The following VANGL1 variants were observed in gnomAD, a reference collection of about 807,000 sequenced individuals.
VANGL1 encodes VANGL planar cell polarity protein 1.
Under a neutral mutation model 48.4 loss-of-function variants are expected in VANGL1, and 18 were observed. The observed-to-expected ratio is 0.37, with a 90% confidence interval of 0.26 to 0.55. VANGL1 has a LOEUF of 0.55. Among genes scored for constraint, VANGL1 ranks in the 20% least tolerant of loss-of-function variants. The pLI is 0.81. For synonymous variants in VANGL1, 257 were observed against 261.8 expected, an observed-to-expected ratio of 0.98 and a Z score of 0.18; for missense variants, 667 against 675.8, an observed-to-expected ratio of 0.99 and a Z score of 0.14.
chr1:115,658,131 G>A lies in VANGL1; in HGVS notation c.72-1510G>A, dbSNP rs142569761. On this transcript the variant is annotated intron_variant, in intron 2 of 7. Coordinates refer to ENST00000355485, the MANE Select transcript of VANGL1 (RefSeq NM_138959.3). ...ATAGAGTGTGATTATAAGTTATGCT[G>A]TAGGAATAGAATTGTTGTCACTGAA... 4.6e-3 allele frequency among the ~76,000 whole-genome samples: 708 copies of A among 152,320 alleles called. 2 individuals carry two copies. The highest frequency in any genetic ancestry group is 7.4e-3 in the Non-Finnish European group (506 of 68,028).
intron 4 of VANGL1, chr1:115,671,349 G>C (rs1248095311): frequency 6.6e-6 from 1 of 152,418 alleles, no homozygotes; most frequent in Non-Finnish European, 1.5e-5. Context: ...TGGGTGAACA[G>C]CCTGCGGCCT....
chr1:115,651,234 G>A, intron 1 of VANGL1, 43 bp from the exon 2 acceptor site: 2 of 612,746 alleles, frequency 3.3e-6, no homozygotes, highest in Non-Finnish European at 2.9e-6. Flanking sequence ...CATTAAGGTT[G>A]GCTCTGAAGA....
At chr1:115,679,982 G>GGA (rs1653316770) in intron 4 of VANGL1, among the ~76,000 whole-genome samples, 1 of 91,604 alleles carries the variant, frequency 1.1e-5, no homozygotes, top group African/African-American at 4.8e-5. Context: ...CACACACCAG[G>GGA]GAGTGTGTGT....
At chr1:115,643,026 C>T (rs529221473) in intron 1 of VANGL1, among the ~76,000 whole-genome samples, 7 of 152,328 alleles carry the variant, frequency 4.6e-5, no homozygotes, top group African/African-American at 1.2e-4. Flanking sequence ...AGGTCTAATG[C>T]CCACGCTGCG....
chr1:115,646,550 C>CT (rs10647324), intron 1 of VANGL1, among the ~76,000 whole-genome samples: 9,995 of 141,352 alleles, frequency 0.071, 1,076 homozygotes, highest in African/African-American at 0.23. Context: ...ATATCTGCAT[C>CT]TTTTTTTTTG....
chr1:115,658,104 CA>C (rs1354168820), intron 2 of VANGL1, among the ~76,000 whole-genome samples: 1 of 152,150 alleles, frequency 6.6e-6, no homozygotes, highest in African/African-American at 2.4e-5. Context: ...ACTGTATCAG[CA>C]ATAGAGTGTG....
chr1:115,659,928 A>C (rs1652485479), intron 3 of VANGL1, among the ~76,000 whole-genome samples, 155 bp downstream of exon 3: 1 of 152,198 alleles, frequency 6.6e-6, no homozygotes, highest in Admixed American at 6.5e-5. Flanking sequence ...GTCTAAGGAC[A>C]GCCTGTCCTG....
intron 4 of VANGL1, 40 bp from the exon 5 acceptor site, chr1:115,682,324 G>A (rs1397088052): frequency 6.2e-6 from 10 of 1,612,036 alleles, no homozygotes; most frequent in Non-Finnish European, 7.6e-6. Context: ...TGCTTCTTCA[G>A]TGAAAAAGCT....
rs749109230 is a variant in VANGL1 at position 115,683,925 on chromosome 1, C to A, written c.947-19C>A. The stretch of plus-strand genomic sequence containing the variant: ...CCTCGTGGTATTAACACTATTCTTT[C>A]ACTGTCCTTTCCCCAAAGGCCCCAG... On this transcript the variant is annotated intron_variant, in intron 5 of 7. Coordinates refer to ENST00000355485, the MANE Select transcript of VANGL1 (RefSeq NM_138959.3). The A allele has an allele frequency of 6.2e-7, 1 of 1,612,452 alleles. No homozygotes were observed. Among genetic ancestry groups the A allele is most frequent in the Non-Finnish European group, 8.5e-7 (1 of 1,179,022 alleles).
chr1:115,666,441 C>T (rs538604512), intron 4 of VANGL1, among the ~76,000 whole-genome samples: 4 of 152,304 alleles, frequency 2.6e-5, no homozygotes, highest in Admixed American at 2.0e-4. Context: ...CAGCAGCCCT[C>T]GCCTCCCACC....
At chr1:115,674,655 G>A (rs889739166) in intron 4 of VANGL1, among the ~76,000 whole-genome samples, 10 of 152,208 alleles carry the variant, frequency 6.6e-5, no homozygotes, top group Non-Finnish European at 1.2e-4. Context: ...TTTTCCACGT[G>A]TGAAGAAAGC....
chr1:115,674,075 T>C (rs1439446493), intron 4 of VANGL1, among the ~76,000 whole-genome samples: 1 of 152,254 alleles, frequency 6.6e-6, no homozygotes, highest in African/African-American at 2.4e-5. Context: ...GACTGAACAC[T>C]GACCCTGTTG....
intron 3 of VANGL1, 77 bp from the exon 4 acceptor site, chr1:115,663,584 C>T: frequency 6.2e-7 from 1 of 1,601,600 alleles, no homozygotes; most frequent in East Asian, 2.2e-5. Context: ...ATGCAGCGGG[C>T]CCTGCATGTT....
intron 4 of VANGL1, among the ~76,000 whole-genome samples, chr1:115,668,827 C>T (rs575740026): frequency 1.3e-5 from 2 of 152,284 alleles, no homozygotes; most frequent in South Asian, 4.2e-4. Context: ...GCTCAGGGCT[C>T]CCAGGAGCAC....
chr1:115,642,684 G>T (rs1290591868), intron 1 of VANGL1: 1 of 152,532 alleles, frequency 6.6e-6, no homozygotes, highest in East Asian at 1.9e-4. Context: ...GTCCGGTTGC[G>T]CCTCGGAGAG....
chr1:115,656,516 G>A (rs1271820536), intron 2 of VANGL1, among the ~76,000 whole-genome samples: 1 of 152,214 alleles, frequency 6.6e-6, no homozygotes, highest in African/African-American at 2.4e-5. Context: ...CCATACCTAG[G>A]ATAGTTTTTC....
chr1:115,650,866 A>C (rs570558883), intron 1 of VANGL1, among the ~76,000 whole-genome samples: 2 of 150,212 alleles, frequency 1.3e-5, no homozygotes, highest in African/African-American at 4.9e-5. Context: ...TGACTTTTGG[A>C]AATTATGACC....
chr1:115,651,295 A>C lies in VANGL1; in HGVS notation c.-119A>C. 1 of 805,224 alleles carries C rather than the reference A, an allele frequency of 1.2e-6. No individual in the cohort carries two copies. Among genetic ancestry groups the C allele is most frequent in the South Asian group, 1.5e-5 (1 of 66,874 alleles). The allele number at this position is 805,224 out of a possible 1,614,324, so 49.9% of individuals were successfully genotyped here. A position where few individuals can be genotyped will look rare whatever the true frequency, so the allele number is the denominator to read the frequency against. On this transcript the variant is annotated 5_prime_UTR_variant, in exon 2 of 8. Coordinates refer to ENST00000355485, the MANE Select transcript of VANGL1 (RefSeq NM_138959.3). ...TTCCCAGAATTTGTTCCTGTTGAAG[A>C]GTGGCTCCTCTTCTAATTTCCAGAC...
In VANGL1 at chr1:115,651,258, T is replaced by A; in HGVS notation, c.-137-19T>A. The A allele has an allele frequency of 1.5e-6, 1 of 660,606 alleles. No homozygotes were observed. Among genetic ancestry groups the A allele is most frequent in the Non-Finnish European group, 2.6e-6 (1 of 377,828 alleles). 40.9% of individuals were successfully genotyped at this position (660,606 alleles called of 1,614,324 possible). On this transcript the variant is annotated intron_variant, in intron 1 of 7. Transcript: ENST00000355485. ...TGGCTCTGAAGATTAATGTCTTTTT[T>A]TTTCCCCCTCTTTCCCAGAATTTGT...
Sources: gnomAD v4.1 joint callset for allele counts (sites outside exome capture counted in the v4.1 genomes callset) on GRCh38, gnomAD v4.1.1 for gene constraint, MANE v1.5 for transcripts, NCBI Gene and HGNC (gene_info 2026-07-23, HGNC 2026-07-21) for gene names.